RGS20: variants seen among roughly 807,000 people sequenced by gnomAD.
RGS20 encodes regulator of G protein signaling 20.
RGS20 carries 30 observed loss-of-function variants against 33.6 expected under a neutral mutation model. The observed-to-expected ratio is 0.89, with a 90% CI of 0.67 to 1.21. RGS20 has a LOEUF of 1.21. Among genes scored for constraint, RGS20 ranks in the 50% most tolerant of loss-of-function variants. RGS20 has a pLI of 0.00. For missense variants in RGS20, 472 were observed against 502.4 expected, an observed-to-expected ratio of 0.94 and a Z score of 0.58; for synonymous variants, 208 against 197.9, an observed-to-expected ratio of 1.05 and a Z score of -0.43.
At position 53,939,982 on chromosome 8, in the gene RGS20, G is replaced by A. The variant is rs138951235; in HGVS notation, c.659+258G>A. On this transcript the variant is annotated intron_variant, in intron 3 of 5. Coordinates refer to ENST00000297313, the MANE Select transcript of RGS20 (RefSeq NM_170587.4). ...GTTAAACAACTAAAGAACAACCTCA[G>A]GCGGTTCACGATTGACTATCAACAT... Among the ~76,000 whole-genome samples the A allele has an allele frequency of 2.0e-4, 30 of 152,302 alleles. No homozygotes were observed. The East Asian group carries it at 5.0e-3, about 25-fold the overall frequency.
At chr8:53,890,428 TC>T (rs1157519220) in intron 2 of RGS20, among the ~76,000 whole-genome samples, 3 of 152,232 alleles carry the variant, frequency 2.0e-5, no homozygotes, top group Admixed American at 1.3e-4. Context: ...ATTTTTTTAT[TC>T]ATCACATTTT....
At chr8:53,886,162 G>A (rs1195419877) in intron 2 of RGS20, among the ~76,000 whole-genome samples, 3 of 152,170 alleles carry the variant, frequency 2.0e-5, no homozygotes, top group South Asian at 2.1e-4. Flanking sequence ...ATAAGTGGGA[G>A]TCACTGACTA....
At chr8:53,950,139 G>A (rs189737834) in intron 4 of RGS20, among the ~76,000 whole-genome samples, 1 of 152,080 alleles carries the variant, frequency 6.6e-6, no homozygotes, top group East Asian at 1.9e-4. Flanking sequence ...TACGCCCAGC[G>A]TGTTAACACA....
At chr8:53,853,276 C>T (rs1811605478) in intron 1 of RGS20, among the ~76,000 whole-genome samples, 1 of 152,176 alleles carries the variant, frequency 6.6e-6, no homozygotes, top group African/African-American at 2.4e-5. Context: ...TATGCACCCA[C>T]ACACACATAT....
chr8:53,911,260 G>A (rs1413814979), intron 2 of RGS20, among the ~76,000 whole-genome samples: 1 of 152,110 alleles, frequency 6.6e-6, no homozygotes, highest in Non-Finnish European at 1.5e-5. Context: ...TTTTTAAAAA[G>A]TAGATGAAGA....
rs529744089 is a variant in RGS20 at position 53,857,393 on chromosome 8, G to T, written c.165+5329G>T. 4.6e-5 allele frequency among the ~76,000 whole-genome samples: 7 copies of T among 152,260 alleles called. No individual in the cohort carries two copies. In the East Asian group the frequency reaches 9.6e-4, roughly 21 times the overall value. On this transcript the variant is annotated intron_variant, in intron 1 of 5. Coordinates refer to ENST00000297313, the MANE Select transcript of RGS20 (RefSeq NM_170587.4). The stretch of plus-strand genomic sequence containing the variant: ...GGTCTTCCTTTGATGGAGACCATAA[G>T]GAAGACCTTGGGTATGCTCTTTGGG...
chr8:53,857,592 A>G (rs1423336551), intron 1 of RGS20, among the ~76,000 whole-genome samples: 3 of 152,252 alleles, frequency 2.0e-5, no homozygotes, highest in Non-Finnish European at 4.4e-5. Flanking sequence ...ATTCTACAGT[A>G]TGGTGACTGT....
intron 1 of RGS20, among the ~76,000 whole-genome samples, chr8:53,879,009 T>G (rs1812269696): frequency 6.6e-6 from 1 of 152,122 alleles, no homozygotes; most frequent in Admixed American, 6.5e-5. Context: ...CAAGAGTCTT[T>G]ATTTCTAACA....
At chr8:53,905,940 T>C (rs1813154504) in intron 2 of RGS20, among the ~76,000 whole-genome samples, 1 of 152,216 alleles carries the variant, frequency 6.6e-6, no homozygotes, top group East Asian at 1.9e-4. Context: ...TTATGCCTCC[T>C]GTCCCCAGCC....
At position 53,879,290 on chromosome 8, in the gene RGS20, C is replaced by T; in HGVS notation, c.198C>T (p.Pro66=). The T allele has an allele frequency of 6.2e-7, 1 of 1,613,740 alleles. No individual in the cohort carries two copies. Among genetic ancestry groups the T allele is most frequent in the Middle Eastern group, 1.6e-4 (1 of 6,062 alleles). The change falls in exon 2 of 6, where the codon CCC becomes CCT. Residue 66 remains proline (P), a synonymous_variant. Transcript: ENST00000297313. ...CGCCTGCACAGCTCCCAGACTCGCC[C>T]GCCGCCCCGAAGCTGTTCGGCCTCC...
intron 4 of RGS20, among the ~76,000 whole-genome samples, chr8:53,948,029 A>T (rs867733915): frequency 7.4e-6 from 1 of 136,042 alleles, no homozygotes; most frequent in African/African-American, 2.7e-5. Context: ...TATATACTAT[A>T]TATAAGTATA....
chr8:53,871,739 T>A (rs1812074682), intron 1 of RGS20, among the ~76,000 whole-genome samples: 1 of 152,196 alleles, frequency 6.6e-6, no homozygotes, highest in Non-Finnish European at 1.5e-5. Context: ...CATGATTGTG[T>A]TGACTTCCTG....
At position 53,946,162 on chromosome 8, in the gene RGS20, T is replaced by A. The variant is rs143015015; in HGVS notation, c.660-503T>A. 2.5e-3 allele frequency among the ~76,000 whole-genome samples: 381 copies of A among 152,310 alleles called. 2 individuals are homozygous for A. The highest frequency in any genetic ancestry group is 8.7e-3 in the African/African-American group (360 of 41,572). Reference sequence around the variant, plus strand: ...CCTAGAGGATGTATACTTTTTAAGATGCAGAAAATGAAATGAAACCCCAAT... The same window carrying A: ...CCTAGAGGATGTATACTTTTTAAGAAGCAGAAAATGAAATGAAACCCCAAT... On this transcript the variant is annotated intron_variant, in intron 3 of 5. Transcript: ENST00000297313.
chr8:53,918,398 C>CTTTTT (rs370307599), intron 2 of RGS20, among the ~76,000 whole-genome samples: 2 of 149,492 alleles, frequency 1.3e-5, no homozygotes, highest in African/African-American at 5.1e-5. Context: ...TTCTTTCTTC[C>CTTTTT]TTTTTTTGAG....
At chr8:53,873,379 C>G (rs554393580) in intron 1 of RGS20, among the ~76,000 whole-genome samples, 1 of 152,286 alleles carries the variant, frequency 6.6e-6, no homozygotes, top group African/African-American at 2.4e-5. Flanking sequence ...ATCCACCAAA[C>G]AATCACTCCC....
intron 4 of RGS20, among the ~76,000 whole-genome samples, chr8:53,950,775 T>G (rs1408307000): frequency 6.6e-6 from 1 of 151,966 alleles, no homozygotes; most frequent in African/African-American, 2.4e-5. Context: ...CCACCACACT[T>G]GGCTAATTTT....
intron 2 of RGS20, among the ~76,000 whole-genome samples, chr8:53,895,429 T>C (rs552911747): frequency 6.6e-6 from 1 of 152,292 alleles, no homozygotes; most frequent in South Asian, 2.1e-4. Flanking sequence ...TGTACTGTGG[T>C]ACGCTAAATG....
chr8:53,949,069 T>C (rs62651856), intron 4 of RGS20, among the ~76,000 whole-genome samples: 1 of 27,470 alleles, frequency 3.6e-5, no homozygotes, highest in Non-Finnish European at 5.5e-5. Flanking sequence ...TATATATTTA[T>C]ATATGCTATA....
chr8:53,946,841 TTTC>T (rs1289295826), intron 4 of RGS20, 93 bp downstream of exon 3: 168 of 986,476 alleles, frequency 1.7e-4, no homozygotes, highest in Admixed American at 4.9e-4. Flanking sequence ...GAACACATAC[TTTC>T]TCTAACTGTA....
Sources: allele counts gnomAD v4.1 joint callset (sites outside exome capture counted in the v4.1 genomes callset), GRCh38; gene constraint gnomAD v4.1.1; transcripts MANE v1.5; gene names NCBI Gene and HGNC (gene_info 2026-07-23, HGNC 2026-07-21).